Variants in HDAC9 observed in about 807,000 individuals in gnomAD.
HDAC9 encodes the protein MEF-2 interacting transcription repressor (MITR) protein.
A neutral mutation model predicts 139.4 loss-of-function variants in HDAC9; 41 were observed. The ratio of observed to expected loss-of-function variants is 0.29; its 90% CI spans 0.23 to 0.38. HDAC9 has a LOEUF of 0.38. Ranked by LOEUF, HDAC9 falls within the 10% of genes least tolerant of loss-of-function variation. The probability of loss-of-function intolerance (pLI) is 1.00; values close to 1 mark genes in which losing one functional copy is unlikely to be tolerated. For synonymous variants in HDAC9, 517 were observed against 476.2 expected (o/e 1.09, Z -1.12); for missense variants, 1,147 against 1,297.0 (o/e 0.88, Z 1.78).
intron 1 of HDAC9, among the ~76,000 whole-genome samples, chr7:18,325,252 C>A (rs1800347791): frequency 6.6e-6 from 1 of 152,054 alleles, no homozygotes; most frequent in Non-Finnish European, 1.5e-5. Context: ...ATGCTCAGCG[C>A]TTTTCAAAAG....
intron 12 of HDAC9, among the ~76,000 whole-genome samples, chr7:18,713,908 T>C (rs1263833522): frequency 2.6e-5 from 4 of 152,090 alleles, no homozygotes; most frequent in Non-Finnish European, 5.9e-5. Flanking sequence ...TCAATTTGAG[T>C]TTTAAAAAAT....
intron 1 of HDAC9, among the ~76,000 whole-genome samples, chr7:18,397,334 G>A (rs543102305): frequency 6.6e-6 from 1 of 152,100 alleles, no homozygotes; most frequent in Non-Finnish European, 1.5e-5. Context: ...TTTCAACTCA[G>A]AATGCACTGA....
chr7:18,496,481 T>C, intron 2 of HDAC9, 157 bp downstream of exon 2: 1 of 623,520 alleles, frequency 1.6e-6, no homozygotes, highest in Non-Finnish European at 2.9e-6. Flanking sequence ...CTTAGATCCC[T>C]TCCATTACTG....
At chr7:18,323,110 C>T (rs1800150592) in intron 1 of HDAC9, among the ~76,000 whole-genome samples, 1 of 152,118 alleles carries the variant, frequency 6.6e-6, no homozygotes, top group African/African-American at 2.4e-5. Context: ...TTAAGGCCTC[C>T]TCATGTTAGA....
intron 11 of HDAC9, among the ~76,000 whole-genome samples, chr7:18,662,736 G>A (rs1793605397): frequency 6.6e-6 from 1 of 152,040 alleles, no homozygotes; most frequent in South Asian, 2.1e-4. Flanking sequence ...AGGGGAGAAT[G>A]TTAGAGATTT....
intron 2 of HDAC9, among the ~76,000 whole-genome samples, chr7:18,260,259 T>A (rs559959535): frequency 4.6e-5 from 7 of 151,922 alleles, no homozygotes; most frequent in Non-Finnish European, 7.4e-5. Context: ...GTATTGCTGT[T>A]GAGAGGGCTA....
intron 13 of HDAC9, among the ~76,000 whole-genome samples, chr7:18,734,991 A>C (rs1160813010): frequency 6.6e-6 from 1 of 152,198 alleles, no homozygotes. Context: ...TGACCAGTGA[A>C]GATGAGTATT....
chr7:18,523,248 T>G (rs917779842), intron 2 of HDAC9, among the ~76,000 whole-genome samples: 1 of 152,216 alleles, frequency 6.6e-6, no homozygotes, highest in African/African-American at 2.4e-5. Context: ...TCAGAAATAC[T>G]TCTTGGAAAA....
rs56281287 is a variant in HDAC9 at position 18,728,402 on chromosome 7, AACACACACACACACACAC to A, written c.1909+673_1909+690del. 2.1e-4 allele frequency among the ~76,000 whole-genome samples: 31 copies of A among 145,652 alleles called. 1 individual carries two copies. Among genetic ancestry groups the A allele is most frequent in the East Asian group, 1.9e-3 (9 of 4,778 alleles). On this transcript the variant is annotated intron_variant, in intron 13 of 25. Coordinates refer to ENST00000686413, the MANE Select transcript of HDAC9 (RefSeq NM_178425.4). The stretch of plus-strand genomic sequence containing the variant: ...AAGGCCAAAGGAAGGTTAAGTGTGG[AACACACACACACACACAC>A]ACACACACACACACACACACACACA...
chr7:18,144,430 G>T (rs1033090556), intron 1 of HDAC9, among the ~76,000 whole-genome samples: 2 of 152,170 alleles, frequency 1.3e-5, no homozygotes, highest in African/African-American at 4.8e-5. Context: ...GGCCCTGTGG[G>T]TCCTACCTCT....
intron 2 of HDAC9, among the ~76,000 whole-genome samples, chr7:18,215,767 C>A (rs1288977084): frequency 3.9e-5 from 6 of 152,030 alleles, no homozygotes; most frequent in Admixed American, 6.6e-5. Context: ...GTCTTTCTTG[C>A]CTTGGTCTTC....
intron 1 of HDAC9, among the ~76,000 whole-genome samples, chr7:18,318,951 A>G (rs74648558): frequency 0.014 from 2,080 of 152,290 alleles, 99 homozygotes; most frequent in East Asian, 0.11. Flanking sequence ...AGATAGATCC[A>G]AGAAATGCAG....
At chr7:18,571,037 G>A (rs1194429168) in intron 2 of HDAC9, among the ~76,000 whole-genome samples, 3 of 152,224 alleles carry the variant, frequency 2.0e-5, no homozygotes, top group African/African-American at 7.2e-5. Context: ...TCCTGACAAA[G>A]GATACTGGAT....
intron 6 of HDAC9, among the ~76,000 whole-genome samples, chr7:18,602,658 A>G (rs1316565820): frequency 6.6e-6 from 1 of 151,914 alleles, no homozygotes; most frequent in Non-Finnish European, 1.5e-5. Flanking sequence ...ATTTTCATTT[A>G]GTTGAAAATA....
chr7:18,687,640 A>G (rs1282575918), intron 12 of HDAC9, among the ~76,000 whole-genome samples: 1 of 151,836 alleles, frequency 6.6e-6, no homozygotes, highest in African/African-American at 2.4e-5. Flanking sequence ...AATTATTTCA[A>G]CATATCGAGA....
At chr7:18,611,894 T>C (rs1837261909) in intron 6 of HDAC9, among the ~76,000 whole-genome samples, 1 of 152,142 alleles carries the variant, frequency 6.6e-6, no homozygotes, top group South Asian at 2.1e-4. Context: ...AATCACAAAT[T>C]TTTGTTTTCT....
intron 1 of HDAC9, among the ~76,000 whole-genome samples, chr7:18,336,958 A>C (rs1008890459): frequency 3.3e-5 from 5 of 151,652 alleles, no homozygotes; most frequent in African/African-American, 1.2e-4. Context: ...GAAGCGTATA[A>C]TTAAAGTAAA....
chr7:18,637,897 T>G lies in HDAC9; in HGVS notation c.912+3155T>G, dbSNP rs1784397025. ...AATATCCTAGCTTTTTAGCACTAAA[T>G]GTTTCCACCCAAACTGGAGAAAAGA... On this transcript the variant is annotated intron_variant, in intron 8 of 25. Coordinates refer to ENST00000686413, the MANE Select transcript of HDAC9 (RefSeq NM_178425.4). 2.0e-5 allele frequency among the ~76,000 whole-genome samples: 3 copies of G among 151,954 alleles called. No individual in the cohort carries two copies. In the South Asian group the frequency reaches 6.2e-4, roughly 32 times the overall value.
At chr7:18,667,811 T>G (rs375081289) in intron 12 of HDAC9, 2 of 984,908 alleles carry the variant, frequency 2.0e-6, no homozygotes, top group African/African-American at 1.7e-5. Context: ...TTACGGAAGC[T>G]TTTCACTGGA....
Sources: allele counts gnomAD v4.1 joint callset (sites outside exome capture counted in the v4.1 genomes callset), GRCh38; gene constraint gnomAD v4.1.1; transcripts MANE v1.5; gene names NCBI Gene and HGNC (gene_info 2026-07-23, HGNC 2026-07-21).